Variants in PRCD observed in about 807,000 individuals in gnomAD.
PRCD encodes the protein photoreceptor disc component.
In PRCD, 12 loss-of-function variants were observed where a neutral mutation model predicts 10.1. The ratio of observed to expected loss-of-function variants is 1.18; its 90% CI spans 0.76 to 1.92. The LOEUF is 1.92. Among genes scored for constraint, PRCD ranks in the 40% most tolerant of loss-of-function variants. The probability of loss-of-function intolerance (pLI) is 0.00; values close to 1 mark genes in which losing one functional copy is unlikely to be tolerated. For missense variants in PRCD, 61 were observed against 72.2 expected, an observed-to-expected ratio of 0.84 and a Z score of 0.56; for synonymous variants, 31 against 26.2, an observed-to-expected ratio of 1.18 and a Z score of -0.56.
Position 76,531,272 on chromosome 17 carries a change from C to T in PRCD, n.45+3439C>T. On this transcript the variant is annotated intron_variant and non_coding_transcript_variant, in intron 1 of 4. Transcript: ENST00000397633. The surrounding 1 kb of genome is among the most constrained non-coding windows in gnomAD (Gnocchi z 7.4). ...CAACAGTCTGGCAGCTTTGGGAACC[C>T]CGTGCTCTCAGGACAAGGGTTGCCC... 8.1e-7 allele frequency: 1 copy of T among 1,239,958 alleles called. No homozygotes were observed. The highest frequency in any genetic ancestry group is 1.5e-5 in the African/African-American group (1 of 66,250). The allele number at this position is 1,239,958 out of a possible 1,614,324, so 76.8% of individuals were successfully genotyped here. A position where few individuals can be genotyped will look rare whatever the true frequency, so the allele number is the denominator to read the frequency against.
In PRCD at chr17:76,528,511, A is replaced by G; in HGVS notation, n.45+678A>G. ...CTTGGCACCCAGAAATGGAGCGTCA[A>G]GGAGGGTCTTCAGAACTCGGCCTTC... On this transcript the variant is annotated intron_variant and non_coding_transcript_variant, in intron 1 of 4. Transcript: ENST00000397633. This position sits in a 1 kb window ranked among gnomAD's most constrained non-coding sequence, Gnocchi z 5.8. The G allele has an allele frequency of 3.3e-6, 4 of 1,224,684 alleles. No individual in the cohort carries two copies. The highest frequency in any genetic ancestry group is 4.2e-6 in the Non-Finnish European group (4 of 954,844). The allele number at this position is 1,224,684 out of a possible 1,614,324, so 75.9% of individuals were successfully genotyped here.
rs942770298 is a variant in PRCD at position 76,529,207 on chromosome 17, G to A, written n.45+1374G>A. ...CTCCATCCTACCCTCGAGCCCATGG[G>A]GACCCTGGCAGCAGGGAGGCTCTGC... is the stretch of plus-strand genomic sequence containing the variant. On this transcript the variant is annotated intron_variant and non_coding_transcript_variant, in intron 1 of 4. Coordinates refer to the PRCD transcript ENST00000397633. The A allele has an allele frequency of 1.2e-4, 117 of 985,412 alleles. No individual in the cohort carries two copies. The Middle Eastern group carries it at 1.6e-3, about 13-fold the overall frequency. 61.0% of individuals were successfully genotyped at this position (985,412 alleles called of 1,614,324 possible).
chr17:76,534,061 T>C (rs186108723), intron 1 of PRCD, among the ~76,000 whole-genome samples: 1 of 150,686 alleles, frequency 6.6e-6, no homozygotes, highest in East Asian at 2.0e-4. Flanking sequence ...ATATATATAT[T>C]TGCCTGCTGT....
rs1012539398 is a variant in PRCD at position 76,528,974 on chromosome 17, C to T, written n.45+1141C>T. 1.1e-5 allele frequency: 11 copies of T among 1,029,638 alleles called. No individual in the cohort carries two copies. The highest frequency in any genetic ancestry group is 1.2e-5 in the Non-Finnish European group (10 of 859,358). 63.8% of individuals were successfully genotyped at this position (1,029,638 alleles called of 1,614,324 possible). On this transcript the variant is annotated intron_variant and non_coding_transcript_variant, in intron 1 of 4. Transcript: ENST00000397633. This position sits in a 1 kb window ranked among gnomAD's most constrained non-coding sequence, Gnocchi z 5.8. ...GTGGCGCATTCTGTCCGGCCTGTCT[C>T]GTCCCTCCTCGGGCCACCCATCTGT...
intron 1 of PRCD, chr17:76,550,839 A>C (rs958527245): frequency 1.3e-5 from 2 of 152,058 alleles, no homozygotes; most frequent in Non-Finnish European, 2.9e-5. Context: ...AATAACACGA[A>C]CTCCCATTTA....
At chr17:76,548,240 A>G (rs1440225521), downstream of PRCD, among the ~76,000 whole-genome samples, 2 of 152,026 alleles carry the variant, frequency 1.3e-5, no homozygotes, top group Non-Finnish European at 1.5e-5. Context: ...TAGCATACAC[A>G]TACACACAGT....
upstream of PRCD, among the ~76,000 whole-genome samples, chr17:76,535,696 A>G (rs1035824204): frequency 1.3e-5 from 2 of 152,164 alleles, no homozygotes; most frequent in Admixed American, 6.5e-5. Context: ...AGAGAGAGAA[A>G]GAAATCCTTG....
Position 76,528,471 on chromosome 17 carries a change from G to T in PRCD, n.45+638G>T. On this transcript the variant is annotated intron_variant and non_coding_transcript_variant, in intron 1 of 4. Coordinates refer to the PRCD transcript ENST00000397633. This position sits in a 1 kb window ranked among gnomAD's most constrained non-coding sequence, Gnocchi z 5.8. ...CCTCCTTCGGGGAAGTTGAGTCAGG[G>T]ATTCCTCCAGCTTCCTTGGCACCCA... 9.5e-7 allele frequency: 1 copy of T among 1,050,808 alleles called. No homozygotes were observed. The highest frequency in any genetic ancestry group is 1.2e-6 in the Non-Finnish European group (1 of 801,248). 65.1% of individuals were successfully genotyped at this position (1,050,808 alleles called of 1,614,324 possible).
chr17:76,527,892 A>G, intron 1 of PRCD: 2 of 437,956 alleles, frequency 4.6e-6, no homozygotes, highest in Non-Finnish European at 9.3e-6. Flanking sequence ...TGGAAGTGGA[A>G]TTCAGGAATG....
rs80061378 is a variant in PRCD at position 76,530,299 on chromosome 17, G to C, written n.45+2466G>C. ...CGAGTGTTCCCAACCGCCACATCTGGGGGCTAGCCCTCCCCTCACGCTCCG... is the reference window on the plus strand; with the variant it reads ...CGAGTGTTCCCAACCGCCACATCTGCGGGCTAGCCCTCCCCTCACGCTCCG... On this transcript the variant is annotated intron_variant and non_coding_transcript_variant, in intron 1 of 4. Coordinates refer to the PRCD transcript ENST00000397633. This position sits in a 1 kb window ranked among gnomAD's most constrained non-coding sequence, Gnocchi z 6.1. Among the ~76,000 whole-genome samples the C allele has an allele frequency of 6.6e-6, 1 of 152,014 alleles. No homozygotes were observed. Among genetic ancestry groups the C allele is most frequent in the Non-Finnish European group, 1.5e-5 (1 of 67,998 alleles).
At chr17:76,549,939 TTTTG>T (rs1271169390), downstream of PRCD, 2 of 152,092 alleles carry the variant, frequency 1.3e-5, no homozygotes, top group African/African-American at 4.8e-5. Context: ...GTAAGAAGGT[TTTTG>T]TTTTTTTGTT....
rs1385647348 is a variant in PRCD, at chr17:76,545,274, C to T, written c.*1624C>T. On this transcript the variant is annotated 3_prime_UTR_variant, in exon 5 of 5. Transcript: ENST00000592014. Reference sequence around the variant, plus strand: ...ACAGAAGGCTCCTGGGACCCGGGTGCCCCTTCCTTGGCCCACTGGCTCCCA... The same window carrying T: ...ACAGAAGGCTCCTGGGACCCGGGTGTCCCTTCCTTGGCCCACTGGCTCCCA... 1 of 456,792 alleles carries T rather than the reference C, an allele frequency of 2.2e-6. No individual in the cohort carries two copies. Among genetic ancestry groups the T allele is most frequent in the East Asian group, 6.9e-5 (1 of 14,390 alleles). 28.3% of individuals were successfully genotyped at this position (456,792 alleles called of 1,614,324 possible).
At chr17:76,543,243 G>A (rs918235193) in intron 4 of PRCD, 122 bp downstream of exon 4, 9 of 368,414 alleles carry the variant, frequency 2.4e-5, no homozygotes, top group Non-Finnish European at 2.7e-5. Flanking sequence ...CGCTGCTCTC[G>A]GACGGGCTTC....
At chr17:76,538,430 A>AT (rs1598209536), upstream of PRCD, 1 of 455,866 alleles carries the variant, frequency 2.2e-6, no homozygotes, top group East Asian at 7.8e-5. Flanking sequence ...CCTTCCGCCC[A>AT]GCACCTCCAT....
chr17:76,529,047 C>G (rs942701616), intron 1 of PRCD: 4 of 327,468 alleles, frequency 1.2e-5, no homozygotes, highest in Non-Finnish European at 1.4e-5. Context: ...TCATTGCGCC[C>G]CCCCCCCACC....
chr17:76,544,375 G>A lies in PRCD; in HGVS notation c.*725G>A, dbSNP rs1448378412. 2 of 454,848 alleles carry A rather than the reference G, an allele frequency of 4.4e-6. No individual in the cohort carries two copies. The highest frequency in any genetic ancestry group is 3.1e-5 in the South Asian group (2 of 64,488). 28.2% of individuals were successfully genotyped at this position (454,848 alleles called of 1,614,324 possible). On this transcript the variant is annotated 3_prime_UTR_variant, in exon 5 of 5. Transcript: ENST00000592014. ...TGAAGGGAAGGAAGGGAAAGGGTGA[G>A]GGATGCCGCAGAGCAGAGGGAACCG...
rs2074787226 is a variant in PRCD at position 76,528,006 on chromosome 17, T to C, written n.45+173T>C. The stretch of plus-strand genomic sequence containing the variant: ...CTCTGCGCTGCTGTGGGATTTCCTC[T>C]TTGCCAGAACACTCTGTTCTCTGCA... On this transcript the variant is annotated intron_variant and non_coding_transcript_variant, in intron 1 of 4. Coordinates refer to the PRCD transcript ENST00000397633. The surrounding 1 kb of genome is among the most constrained non-coding windows in gnomAD (Gnocchi z 5.8). 1 of 362,004 alleles carries C rather than the reference T, an allele frequency of 2.8e-6. No individual in the cohort carries two copies. The highest frequency in any genetic ancestry group is 3.7e-5 in the Admixed American group (1 of 27,262). 22.4% of individuals were successfully genotyped at this position (362,004 alleles called of 1,614,324 possible). A position where few individuals can be genotyped will look rare whatever the true frequency, so the allele number is the denominator to read the frequency against.
chr17:76,547,848 CACACAG>C (rs1247750736), downstream of PRCD, among the ~76,000 whole-genome samples: 2 of 129,588 alleles, frequency 1.5e-5, no homozygotes, highest in African/African-American at 7.5e-5. Context: ...CATTCACACA[CACACAG>C]ACATACACAT....
At chr17:76,537,285 C>G, upstream of PRCD, 1 of 1,223,730 alleles carries the variant, frequency 8.2e-7, no homozygotes, top group Non-Finnish European at 1.1e-6. Context: ...TCGGACCGGC[C>G]CCATTCGCGG....
Sources: gnomAD v4.1 joint callset for allele counts (sites outside exome capture counted in the v4.1 genomes callset) on GRCh38, gnomAD v4.1.1 for gene constraint, Gnocchi (gnomAD v3.1) non-coding constraint, MANE v1.5 for transcripts, NCBI Gene and HGNC (gene_info 2026-07-23, HGNC 2026-07-21) for gene names.